TRA2A: variants seen among roughly 807,000 people sequenced by gnomAD.
TRA2A encodes transformer-2 protein homolog alpha.
Under a neutral mutation model 45.7 loss-of-function variants are expected in TRA2A, and 31 were observed. That is an observed-to-expected ratio of 0.68 (90% CI 0.51 to 0.92). The LOEUF (loss-of-function observed/expected upper bound fraction) is 0.92. Among genes scored for constraint, TRA2A ranks in the 40% least tolerant of loss-of-function variants. TRA2A has a pLI of 0.00. For missense variants in TRA2A, 304 were observed against 367.5 expected (o/e 0.83, Z 1.41); for synonymous variants, 132 against 126.2 (o/e 1.05, Z -0.31).
At chr7:23,521,468 G>A (rs1002330497) in intron 2 of TRA2A, among the ~76,000 whole-genome samples, 1 of 152,094 alleles carries the variant, frequency 6.6e-6, no homozygotes, top group Non-Finnish European at 1.5e-5. Context: ...TCAGAGATAG[G>A]GTCTCCCTGG....
chr7:23,527,290 T>C (rs1485926145), intron 1 of TRA2A, among the ~76,000 whole-genome samples: 7 of 152,152 alleles, frequency 4.6e-5, no homozygotes, highest in Non-Finnish European at 1.0e-4. Context: ...ACTATATATA[T>C]AAGTAACTTA....
rs1789309171 is a variant in TRA2A, at chr7:23,505,825, GA to G, written c.771-13del. On this transcript the variant is annotated splice_polypyrimidine_tract_variant and intron_variant, in intron 6 of 7. Transcript: ENST00000297071. Reference sequence around the variant, plus strand: ...AAGGTGATCGTCTTCTGTAAGAAATGAAAGATTACTTAGCATACTATATAAT... The same window carrying G: ...AAGGTGATCGTCTTCTGTAAGAAATGAAGATTACTTAGCATACTATATAAT... 1.3e-6 allele frequency: 2 copies of G among 1,491,400 alleles called. No individual in the cohort carries two copies. The highest frequency in any genetic ancestry group is 1.8e-4 in the Middle Eastern group (1 of 5,544). 92.4% of individuals were successfully genotyped at this position (1,491,400 alleles called of 1,614,324 possible).
chr7:23,517,503 A>G (rs112385052), intron 2 of TRA2A, among the ~76,000 whole-genome samples: 1,473 of 116,096 alleles, frequency 0.013, 77 homozygotes, highest in East Asian at 0.052. Flanking sequence ...AAAAAAAAAA[A>G]AGAGAGAAAG....
At chr7:23,509,392 A>C (rs935772098) in intron 4 of TRA2A, among the ~76,000 whole-genome samples, 1 of 152,190 alleles carries the variant, frequency 6.6e-6, no homozygotes, top group Non-Finnish European at 1.5e-5. Context: ...AAATTTTCAG[A>C]ATCAGGGAGA....
Position 23,505,753 on chromosome 7 carries a change from G to T in TRA2A, c.831C>A (p.Tyr277Ter). ...RYRSRSRSRS[Y>*]SPRRY ...AAAGTAAAGTTCACATACTTGGGCTGTAGGAACGAGATCTTGATCGTGATC... is the reference window on the plus strand; with the variant it reads ...AAAGTAAAGTTCACATACTTGGGCTTTAGGAACGAGATCTTGATCGTGATC... The change falls in exon 7 of 8, where the codon TAC becomes TAA. Residue 277 changes from tyrosine to a stop codon, truncating the protein, a stop_gained. Coordinates refer to ENST00000297071, the MANE Select transcript of TRA2A (RefSeq NM_013293.5). LOFTEE classifies it high-confidence loss of function. 1 of 1,552,510 alleles carries T rather than the reference G, an allele frequency of 6.4e-7. No homozygotes were observed. The highest frequency in any genetic ancestry group is 2.2e-5 in the Admixed American group (1 of 46,060).
intron 3 of TRA2A, among the ~76,000 whole-genome samples, chr7:23,514,130 C>T (rs1789752767): frequency 6.8e-6 from 1 of 147,774 alleles, no homozygotes; most frequent in Non-Finnish European, 1.5e-5. Flanking sequence ...GGCAATGGTG[C>T]GATCTTGGCT....
At chr7:23,528,028 T>G (rs1790409936) in intron 1 of TRA2A, among the ~76,000 whole-genome samples, 1 of 152,138 alleles carries the variant, frequency 6.6e-6, no homozygotes, top group Non-Finnish European at 1.5e-5. Flanking sequence ...CCCAAGACTC[T>G]CTTAGGTTAA....
intron 1 of TRA2A, among the ~76,000 whole-genome samples, chr7:23,524,506 A>C (rs1332190142): frequency 6.6e-6 from 1 of 151,854 alleles, no homozygotes; most frequent in African/African-American, 2.4e-5. Flanking sequence ...ATTTTAAAAG[A>C]AGCTTTGCTT....
At chr7:23,512,568 C>A (rs1438457876) in intron 4 of TRA2A, among the ~76,000 whole-genome samples, 1 of 152,044 alleles carries the variant, frequency 6.6e-6, no homozygotes, top group Non-Finnish European at 1.5e-5. Flanking sequence ...GCGCCATTCT[C>A]CTGCCTCAGA....
At chr7:23,512,852 C>G (rs143757182) in intron 4 of TRA2A, 42 bp downstream of exon 4, 3 of 1,392,312 alleles carry the variant, frequency 2.2e-6, no homozygotes, top group Non-Finnish European at 2.9e-6. Flanking sequence ...ACTTTTCACA[C>G]TAATTCAGTA....
In TRA2A at chr7:23,531,776, G is replaced by T; in HGVS notation, c.36+13C>A. ...GGCCGCCGCCTAGACGGCTCCCGCG[G>T]CTTTGTACTCACTCTGCCCTCGAAG... On this transcript the variant is annotated intron_variant, in intron 1 of 7. Transcript: ENST00000297071. 6.2e-7 allele frequency: 1 copy of T among 1,613,182 alleles called. No individual in the cohort carries two copies.
intron 2 of TRA2A, among the ~76,000 whole-genome samples, chr7:23,521,293 C>T (rs1021553581): frequency 2.0e-5 from 3 of 152,186 alleles, no homozygotes; most frequent in Non-Finnish European, 2.9e-5. Flanking sequence ...TGCAGAAAAC[C>T]GCCTTTTTGT....
chr7:23,506,692 A>T (rs912052727), intron 5 of TRA2A, among the ~76,000 whole-genome samples: 4 of 152,220 alleles, frequency 2.6e-5, no homozygotes, highest in Admixed American at 6.5e-5. Flanking sequence ...GTAACTCTGG[A>T]CACCAAAGAG....
chr7:23,512,527 C>T (rs999821728), intron 4 of TRA2A, among the ~76,000 whole-genome samples: 42 of 152,056 alleles, frequency 2.8e-4, no homozygotes, highest in African/African-American at 9.4e-4. Context: ...GGCGCAATCT[C>T]GGCTCACTGT....
intron 3 of TRA2A, among the ~76,000 whole-genome samples, chr7:23,514,333 T>C (rs1468450591): frequency 6.6e-6 from 1 of 152,156 alleles, no homozygotes; most frequent in Non-Finnish European, 1.5e-5. Context: ...CTAGCAGATA[T>C]TTAAGAATGT....
intron 2 of TRA2A, among the ~76,000 whole-genome samples, chr7:23,520,114 G>A (rs768599780): frequency 3.9e-5 from 6 of 152,156 alleles, no homozygotes; most frequent in Admixed American, 3.3e-4. Flanking sequence ...TACTCGGGAG[G>A]CTGAGGCAGG....
intron 1 of TRA2A, among the ~76,000 whole-genome samples, chr7:23,526,464 A>G (rs1006781716): frequency 3.3e-5 from 5 of 152,238 alleles, no homozygotes; most frequent in Admixed American, 6.5e-5. Context: ...GAGGAAAATC[A>G]CAAGTACCCA....
intron 2 of TRA2A, among the ~76,000 whole-genome samples, chr7:23,520,698 T>A (rs1355411429): frequency 1.5e-4 from 22 of 151,286 alleles, no homozygotes; most frequent in Non-Finnish European, 2.5e-4. Context: ...TTTTTTTTTT[T>A]TTTTTTTTTA....
At chr7:23,521,065 T>C (rs1414552408) in intron 2 of TRA2A, among the ~76,000 whole-genome samples, 1 of 152,222 alleles carries the variant, frequency 6.6e-6, no homozygotes, top group African/African-American at 2.4e-5. Flanking sequence ...GGTTCACTAT[T>C]GCGTTTCTGT....
Sources: gnomAD v4.1 joint callset for allele counts (sites outside exome capture counted in the v4.1 genomes callset) on GRCh38, gnomAD v4.1.1 for gene constraint, MANE v1.5 for transcripts, NCBI Gene and HGNC (gene_info 2026-07-23, HGNC 2026-07-21) for gene names.